GRID2: variants seen among roughly 807,000 people sequenced by gnomAD.
GRID2 encodes the protein glutamate receptor ionotropic, delta-2.
A neutral mutation model predicts 114.8 loss-of-function variants in GRID2; 33 were observed. That is an observed-to-expected ratio of 0.29 (90% CI 0.22 to 0.38). GRID2 has a LOEUF of 0.38. GRID2 is among the 10% of genes least tolerant of loss of function. The pLI, the probability that GRID2 is intolerant of heterozygous loss-of-function variation, is 1.00. For missense variants in GRID2, 1,184 were observed against 1,257.7 expected, an observed-to-expected ratio of 0.94 and a Z score of 0.89; for synonymous variants, 505 against 449.9, an observed-to-expected ratio of 1.12 and a Z score of -1.55.
At chr4:92,693,003 A>T (rs1734248113) in intron 2 of GRID2, among the ~76,000 whole-genome samples, 1 of 147,254 alleles carries the variant, frequency 6.8e-6, no homozygotes, top group African/African-American at 2.6e-5. Flanking sequence ...AGCCTGGGCG[A>T]TAGAGCGAAA....
At chr4:92,927,856 TG>T (rs1190990792) in intron 2 of GRID2, among the ~76,000 whole-genome samples, 1 of 151,772 alleles carries the variant, frequency 6.6e-6, no homozygotes, top group Non-Finnish European at 1.5e-5. Flanking sequence ...TTCAGATTTT[TG>T]CATTTTTTTG....
intron 2 of GRID2, among the ~76,000 whole-genome samples, chr4:92,841,398 G>T (rs1742882650): frequency 6.6e-6 from 1 of 152,154 alleles, no homozygotes; most frequent in East Asian, 1.9e-4. Flanking sequence ...ATATGCAGAA[G>T]TCGGGGTTAC....
At chr4:92,982,159 G>C (rs528694744) in intron 2 of GRID2, among the ~76,000 whole-genome samples, 1 of 151,732 alleles carries the variant, frequency 6.6e-6, no homozygotes, top group Admixed American at 6.6e-5. Flanking sequence ...ATAATGAACT[G>C]TGAAATGGTC....
intron 14 of GRID2, among the ~76,000 whole-genome samples, chr4:93,695,042 G>T (rs544810821): frequency 2.6e-5 from 4 of 151,910 alleles, no homozygotes; most frequent in Non-Finnish European, 5.9e-5. Flanking sequence ...ATGGTGGCGG[G>T]CGCCATTAGT....
At chr4:92,464,223 G>C (rs557307224) in intron 1 of GRID2, among the ~76,000 whole-genome samples, 75 of 152,138 alleles carry the variant, frequency 4.9e-4, no homozygotes, top group African/African-American at 1.8e-3. Context: ...AGTGGAAATA[G>C]CACAGCTCTG....
At chr4:92,959,842 TG>T (rs538628125) in intron 2 of GRID2, among the ~76,000 whole-genome samples, 13 of 152,018 alleles carry the variant, frequency 8.6e-5, no homozygotes, top group African/African-American at 2.9e-4. Flanking sequence ...CATCTCACAC[TG>T]GGGCCTATTG....
Position 93,525,901 on chromosome 4 carries a change from A to G in GRID2, c.2193+10490A>G, listed in dbSNP as rs897664192. Among the ~76,000 whole-genome samples, 5 of 152,324 alleles carry G rather than the reference A, an allele frequency of 3.3e-5. No individual in the cohort carries two copies. The East Asian group carries it at 5.8e-4, about 18-fold the overall frequency. On this transcript the variant is annotated intron_variant, in intron 13 of 15. Coordinates refer to ENST00000282020, the MANE Select transcript of GRID2 (RefSeq NM_001510.4). ...TGCATCTTTGTTTCCTGCTGGTTGC[A>G]TTATATTCTCAAACTTCTTATTCCA...
chr4:92,639,986 C>G (rs1281265446), intron 2 of GRID2, among the ~76,000 whole-genome samples: 1 of 151,702 alleles, frequency 6.6e-6, no homozygotes, highest in Admixed American at 6.6e-5. Context: ...CTAACACAGA[C>G]ACTTCGGCTG....
At chr4:93,714,235 CA>C (rs1202832592) in intron 14 of GRID2, among the ~76,000 whole-genome samples, 1 of 152,084 alleles carries the variant, frequency 6.6e-6, no homozygotes, top group Non-Finnish European at 1.5e-5. Flanking sequence ...TAATGTCCCC[CA>C]GGTCCATTCA....
At chr4:93,259,864 G>A (rs562651455) in intron 8 of GRID2, among the ~76,000 whole-genome samples, 1 of 151,862 alleles carries the variant, frequency 6.6e-6, no homozygotes, top group African/African-American at 2.4e-5. Context: ...TAGGGGGCAT[G>A]TGTTAAAAAT....
intron 13 of GRID2, among the ~76,000 whole-genome samples, chr4:93,576,998 A>C (rs1736488817): frequency 6.6e-6 from 1 of 152,202 alleles, no homozygotes; most frequent in African/African-American, 2.4e-5. Context: ...GTATATTCAA[A>C]TTGCCTAGGT....
chr4:93,774,978 CTA>C (rs1734334886), downstream of GRID2, among the ~76,000 whole-genome samples: 1 of 151,938 alleles, frequency 6.6e-6, no homozygotes, highest in Admixed American at 6.6e-5. Flanking sequence ...AATTGCTTTG[CTA>C]GAGAATTATT....
At chr4:92,737,057 T>G in intron 2 of GRID2, among the ~76,000 whole-genome samples, 1 of 152,074 alleles carries the variant, frequency 6.6e-6, no homozygotes, top group Non-Finnish European at 1.5e-5. Context: ...TACTAAGAAT[T>G]ATGCATTTTA....
intron 1 of GRID2, among the ~76,000 whole-genome samples, chr4:92,481,902 C>T (rs1722612233): frequency 1.4e-5 from 2 of 146,566 alleles, no homozygotes; most frequent in African/African-American, 5.0e-5. Context: ...TTTGTCTGTT[C>T]ATTACTGCAC....
In GRID2 at chr4:93,343,165, TGTGTGTG is replaced by T. The variant is rs1560520011; in HGVS notation, c.1246-52441_1246-52435del. ...GACTGTGTGTGTGTGTGTGTGTGTG[TGTGTGTG>T]TGTGTGTGTATTGGGTCATATTAGA... is the stretch of plus-strand genomic sequence containing the variant. On this transcript the variant is annotated intron_variant, in intron 8 of 15. Transcript: ENST00000282020. Among the ~76,000 whole-genome samples, 77 of 151,188 alleles carry T rather than the reference TGTGTGTG, an allele frequency of 5.1e-4. 1 individual carries two copies. The highest frequency in any genetic ancestry group is 1.7e-3 in the African/African-American group (70 of 41,114).
chr4:92,636,876 T>C (rs1445826660), intron 2 of GRID2, among the ~76,000 whole-genome samples: 4 of 151,960 alleles, frequency 2.6e-5, no homozygotes, highest in Non-Finnish European at 5.9e-5. Context: ...CTTAGATTGT[T>C]TTTTTTAATT....
chr4:93,651,790 G>A (rs1722602492), intron 14 of GRID2, among the ~76,000 whole-genome samples: 1 of 152,128 alleles, frequency 6.6e-6, no homozygotes, highest in Admixed American at 6.6e-5. Flanking sequence ...CATTTAACAA[G>A]TATTTGTTAA....
At chr4:93,594,774 C>T (rs1038037716) in intron 13 of GRID2, among the ~76,000 whole-genome samples, 67 of 152,138 alleles carry the variant, frequency 4.4e-4, no homozygotes, top group African/African-American at 1.4e-3. Flanking sequence ...TTTTTAAGCC[C>T]GTCGGAAAAG....
intron 4 of GRID2, among the ~76,000 whole-genome samples, chr4:93,132,137 G>A (rs1308568606): frequency 1.3e-5 from 2 of 152,186 alleles, no homozygotes; most frequent in Admixed American, 1.3e-4. Context: ...ACATAGCACA[G>A]TATAGGCCGG....
Sources: gnomAD v4.1 joint callset for allele counts (sites outside exome capture counted in the v4.1 genomes callset) on GRCh38, gnomAD v4.1.1 for gene constraint, MANE v1.5 for transcripts, NCBI Gene and HGNC (gene_info 2026-07-23, HGNC 2026-07-21) for gene names.